Variants in TENT2 observed in about 807,000 individuals in gnomAD.
TENT2 encodes terminal nucleotidyltransferase 2, also known as poly(A) RNA polymerase GLD2.
In TENT2, 44 loss-of-function variants were observed where a neutral mutation model predicts 72.2. The ratio of observed to expected loss-of-function variants is 0.61; its 90% CI spans 0.48 to 0.78. The LOEUF (loss-of-function observed/expected upper bound fraction) is 0.78. Ranked by LOEUF, TENT2 falls within the 30% of genes least tolerant of loss-of-function variation. The pLI is 0.00. For synonymous variants in TENT2, 212 were observed against 192.5 expected, an observed-to-expected ratio of 1.10 and a Z score of -0.84; for missense variants, 541 against 569.6, an observed-to-expected ratio of 0.95 and a Z score of 0.51.
chr5:79,665,802 ACTGACTTTGTAATTTTAAGG>A (rs1336734648), intron 11 of TENT2, among the ~76,000 whole-genome samples: 1 of 152,094 alleles, frequency 6.6e-6, no homozygotes, highest in Non-Finnish European at 1.5e-5. Context: ...TATTCTGTGG[ACTGACTTTGTAATTTTAAGG>A]CTGCTTTTTT....
intron 11 of TENT2, among the ~76,000 whole-genome samples, chr5:79,659,056 A>G (rs929396483): frequency 2.0e-5 from 3 of 152,176 alleles, no homozygotes; most frequent in Admixed American, 6.5e-5. Context: ...ACATATGGTT[A>G]CATTGCCATC....
chr5:79,634,225 T>A (rs1387383607), intron 4 of TENT2, among the ~76,000 whole-genome samples: 1 of 152,076 alleles, frequency 6.6e-6, no homozygotes, highest in Non-Finnish European at 1.5e-5. Flanking sequence ...TGTGTTGACT[T>A]CAGACAATGG....
At chr5:79,616,863 T>A (rs1377663233) in intron 1 of TENT2, among the ~76,000 whole-genome samples, 1 of 152,236 alleles carries the variant, frequency 6.6e-6, no homozygotes, top group Non-Finnish European at 1.5e-5. Flanking sequence ...TGATGATGGT[T>A]CATAGAATTT....
Position 79,641,128 on chromosome 5 carries a change from T to G in TENT2, c.604T>G (p.Ser202Ala). 6.3e-7 allele frequency: 1 copy of G among 1,575,532 alleles called. No homozygotes were observed. Among genetic ancestry groups the G allele is most frequent in the Non-Finnish European group, 8.6e-7 (1 of 1,169,474 alleles). Reference sequence around the variant, plus strand: ...AGAAAGCAGACTTTTTTTGGTTGGGTCCTCTTTAAATGGATTTGGTACCCG... The same window carrying G: ...AGAAAGCAGACTTTTTTTGGTTGGGGCCTCTTTAAATGGATTTGGTACCCG... ...FPQSRLFLVG[S>A]SLNGFGTRSS... is the part of the protein sequence containing the mutation. Residue 202 changes from serine to alanine, a missense_variant, in exon 6 of 15, where the codon TCC (serine) becomes GCC (alanine). Coordinates refer to ENST00000453514, the MANE Select transcript of TENT2 (RefSeq NM_001114394.3).
chr5:79,629,140 C>T (rs1772945911), intron 4 of TENT2, among the ~76,000 whole-genome samples: 1 of 152,180 alleles, frequency 6.6e-6, no homozygotes, highest in African/African-American at 2.4e-5. Context: ...TCTGAAAGGA[C>T]TCCATACTGA....
intron 4 of TENT2, among the ~76,000 whole-genome samples, chr5:79,639,533 A>G (rs989151949): frequency 2.0e-5 from 3 of 151,826 alleles, no homozygotes; most frequent in African/African-American, 7.3e-5. Flanking sequence ...GTATTAGAAC[A>G]TGACAAGGAG....
intron 3 of TENT2, among the ~76,000 whole-genome samples, 197 bp from the exon 4 acceptor site, chr5:79,623,055 T>C (rs982592914): frequency 4.1e-5 from 4 of 97,930 alleles, no homozygotes; most frequent in Non-Finnish European, 1.8e-5. Flanking sequence ...ATTATTACTA[T>C]TTTTTTTAAG....
rs532984483 is a variant in TENT2, at chr5:79,681,450, G to A, written c.1301-532G>A. On this transcript the variant is annotated intron_variant, in intron 13 of 14. Coordinates refer to ENST00000453514, the MANE Select transcript of TENT2 (RefSeq NM_001114394.3). ...TGGGATTACAGGCGTGAGCCACTGT[G>A]TCTGGCCAGACTTCACTGTATCTTT... Among the ~76,000 whole-genome samples, 4 of 152,096 alleles carry A rather than the reference G, an allele frequency of 2.6e-5. No homozygotes were observed. In the South Asian group the frequency reaches 8.3e-4, roughly 32 times the overall value.
intron 7 of TENT2, among the ~76,000 whole-genome samples, chr5:79,643,781 A>C (rs181234642): frequency 2.0e-5 from 3 of 152,074 alleles, no homozygotes; most frequent in Non-Finnish European, 4.4e-5. Context: ...GCCCTTAAAG[A>C]TCATGTAATT....
intron 4 of TENT2, among the ~76,000 whole-genome samples, chr5:79,635,572 G>T (rs1779437200): frequency 6.6e-6 from 1 of 150,576 alleles, no homozygotes; most frequent in Non-Finnish European, 1.5e-5. Context: ...TTTTTTTTTT[G>T]GAGACAGAGT....
Position 79,620,096 on chromosome 5 carries a change from TAA to T in TENT2, c.227+14_227+15del, listed in dbSNP as rs754994169. On this transcript the variant is annotated intron_variant, in intron 3 of 14. Transcript: ENST00000453514. ...TTCGAGGAAGGAAGTAAGTACTTCTTAATTATTTTAAAAGAATATTTTTGCAT... is the reference window on the plus strand; with the variant it reads ...TTCGAGGAAGGAAGTAAGTACTTCTTTTATTTTAAAAGAATATTTTTGCAT... The T allele has an allele frequency of 1.1e-5, 17 of 1,535,502 alleles. No individual in the cohort carries two copies. Among genetic ancestry groups the T allele is most frequent in the Non-Finnish European group, 1.4e-5 (16 of 1,114,636 alleles).
chr5:79,681,919 A>G, intron 13 of TENT2, 63 bp from the exon 14 acceptor site: 4 of 1,411,028 alleles, frequency 2.8e-6, no homozygotes, highest in Non-Finnish European at 3.9e-6. Flanking sequence ...TATCAAACCT[A>G]AAAAAGAAAC....
chr5:79,673,982 A>T (rs531399419), intron 12 of TENT2, among the ~76,000 whole-genome samples: 31 of 152,304 alleles, frequency 2.0e-4, no homozygotes, highest in Middle Eastern at 3.4e-3. Flanking sequence ...GCAAGGGATA[A>T]AGGAATATGT....
chr5:79,680,984 G>A (rs757750596), intron 13 of TENT2, among the ~76,000 whole-genome samples: 31 of 151,920 alleles, frequency 2.0e-4, no homozygotes, highest in Non-Finnish European at 3.7e-4. Context: ...GTGGGTGAAA[G>A]GTGAGTGGGA....
At chr5:79,640,794 G>A in intron 4 of TENT2, 57 bp from the exon 5 acceptor site, 2 of 1,009,534 alleles carry the variant, frequency 2.0e-6, no homozygotes, top group Non-Finnish European at 3.0e-6. Context: ...TCTCCATATA[G>A]CAATTACTTT....
intron 1 of TENT2, among the ~76,000 whole-genome samples, chr5:79,616,884 C>G (rs1760611067): frequency 6.6e-6 from 1 of 152,170 alleles, no homozygotes; most frequent in South Asian, 2.1e-4. Context: ...TGTCCACAAT[C>G]TGTTATGAAC....
At position 79,652,086 on chromosome 5, in the gene TENT2, CA is replaced by C. The variant is rs1794585006; in HGVS notation, c.1027+2897del. Among the ~76,000 whole-genome samples the C allele has an allele frequency of 2.0e-5, 3 of 151,950 alleles. No individual in the cohort carries two copies. The South Asian group carries it at 6.2e-4, about 32-fold the overall frequency. Reference sequence around the variant, plus strand: ...GAAAGCAGTGTTGTATATTTGTGTTCATGTCCTTTGACTCAGTTATTTCATT... The same window carrying C: ...GAAAGCAGTGTTGTATATTTGTGTTCTGTCCTTTGACTCAGTTATTTCATT... On this transcript the variant is annotated intron_variant, in intron 10 of 14. Transcript: ENST00000453514.
In TENT2 at chr5:79,617,228, C is replaced by G. The variant is rs116336552; in HGVS notation, c.-37-2384C>G. On this transcript the variant is annotated intron_variant, in intron 1 of 14. Coordinates refer to ENST00000453514, the MANE Select transcript of TENT2 (RefSeq NM_001114394.3). ...ACTTTTTGTACCCTCTTGTCATCCTCCATATAAAACTTGTGATATATAAAC... is the reference window on the plus strand; with the variant it reads ...ACTTTTTGTACCCTCTTGTCATCCTGCATATAAAACTTGTGATATATAAAC... Among the ~76,000 whole-genome samples, 654 of 151,342 alleles carry G rather than the reference C, an allele frequency of 4.3e-3. 6 individuals are homozygous for G. The highest frequency in any genetic ancestry group is 0.014 in the African/African-American group (580 of 41,414).
Position 79,623,240 on chromosome 5 carries a change from G to C in TENT2, c.228-12G>C. ...GTATCTTTAATTACTAAGGTATATT[G>C]CTTGTTTTCAGGAGATTAAGCGATG... On this transcript the variant is annotated splice_polypyrimidine_tract_variant and intron_variant, in intron 3 of 14. Coordinates refer to ENST00000453514, the MANE Select transcript of TENT2 (RefSeq NM_001114394.3). 3 of 1,588,384 alleles carry C rather than the reference G, an allele frequency of 1.9e-6. No homozygotes were observed. The South Asian group carries it at 3.4e-5, about 18-fold the overall frequency.
Sources: allele counts gnomAD v4.1 joint callset (sites outside exome capture counted in the v4.1 genomes callset), GRCh38; gene constraint gnomAD v4.1.1; transcripts MANE v1.5; gene names NCBI Gene and HGNC (gene_info 2026-07-23, HGNC 2026-07-21).